The following ZFHX3 variants were observed in gnomAD, a reference collection of about 807,000 sequenced individuals.
ZFHX3 encodes the protein zinc finger homeobox 3.
Under a neutral mutation model 279.1 loss-of-function variants are expected in ZFHX3, and 42 were observed. That is an observed-to-expected ratio of 0.15 (90% CI 0.12 to 0.19). ZFHX3 has a LOEUF of 0.19. Among genes scored for constraint, ZFHX3 ranks in the 10% least tolerant of loss-of-function variants. The pLI is 1.00. For missense variants in ZFHX3, 4,981 were observed against 4,754.0 expected (o/e 1.05, Z -1.40); for synonymous variants, 2,293 against 1,957.8 (o/e 1.17, Z -4.52).
Position 72,924,151 on chromosome 16 carries a change from G to A in ZFHX3, c.3216+26318C>T, listed in dbSNP as rs139624942. On this transcript the variant is annotated intron_variant, in intron 3 of 9. Coordinates refer to ENST00000268489, the MANE Select transcript of ZFHX3 (RefSeq NM_006885.4). ...TGTCTTTCAGAGTTGGTTGCAATAG[G>A]TTAGACCTCTTTGAAGCCACATAAA... Among the ~76,000 whole-genome samples the A allele has an allele frequency of 5.3e-5, 8 of 151,768 alleles. No homozygotes were observed. In the East Asian group the frequency reaches 1.6e-3, roughly 30 times the overall value.
In ZFHX3 at chr16:73,135,462, C is replaced by T. The variant is rs114759187; in HGVS notation, c.-1023-4368G>A. 2.6e-5 allele frequency among the ~76,000 whole-genome samples: 4 copies of T among 152,230 alleles called. No individual in the cohort carries two copies. In the East Asian group the frequency reaches 7.7e-4, roughly 29 times the overall value. On this transcript the variant is annotated intron_variant, in intron 6 of 17. Coordinates refer to the ZFHX3 transcript ENST00000641206. ...AGGCCTGATGAGACTGTCCCTTATC[C>T]AAGGACAGAGAATAAAAGAACTCTT...
intron 2 of ZFHX3, among the ~76,000 whole-genome samples, chr16:73,464,713 C>T (rs1002857206): frequency 5.9e-5 from 9 of 152,202 alleles, no homozygotes; most frequent in Non-Finnish European, 7.3e-5. Context: ...TATTATTGTG[C>T]CTCAAATGCC....
chr16:73,563,613 G>C (rs961776509), intron 2 of ZFHX3, among the ~76,000 whole-genome samples: 1 of 152,124 alleles, frequency 6.6e-6, no homozygotes, highest in Non-Finnish European at 1.5e-5. Flanking sequence ...GCCTGGCTCT[G>C]TGTTGCGTGA....
chr16:73,257,104 C>T (rs983314140), exon 5 of ZFHX3: 1 of 152,184 alleles, frequency 6.6e-6, no homozygotes, highest in Non-Finnish European at 1.5e-5. Context: ...GTCCTGTTAA[C>T]AAGCACAACG....
At chr16:73,038,855 T>C (rs1965008029) in intron 1 of ZFHX3, among the ~76,000 whole-genome samples, 1 of 151,718 alleles carries the variant, frequency 6.6e-6, no homozygotes. Flanking sequence ...TGGAGTGCAG[T>C]GGCACAATCA....
At chr16:73,272,310 G>A (rs2014168834) in intron 4 of ZFHX3, among the ~76,000 whole-genome samples, 1 of 151,942 alleles carries the variant, frequency 6.6e-6, no homozygotes, top group African/African-American at 2.4e-5. Context: ...TTCTCTCCCA[G>A]TTTTTTTCTG....
chr16:72,907,191 A>G (rs1305962171), intron 3 of ZFHX3, among the ~76,000 whole-genome samples: 2 of 152,208 alleles, frequency 1.3e-5, no homozygotes, highest in African/African-American at 4.8e-5. Flanking sequence ...TAAAACACAA[A>G]TCTTTCGATG....
Position 73,818,468 on chromosome 16 carries a change from G to A in ZFHX3, c.-1608+73183C>T, listed in dbSNP as rs191694167. On this transcript the variant is annotated intron_variant, in intron 1 of 17. Transcript: ENST00000641206. Reference sequence around the variant, plus strand: ...ATATATGAGAGGTCCTGTCATCAACGCAGCATCATTATACATGATATCAAC... The same window carrying A: ...ATATATGAGAGGTCCTGTCATCAACACAGCATCATTATACATGATATCAAC... Among the ~76,000 whole-genome samples, 252 of 152,244 alleles carry A rather than the reference G, an allele frequency of 1.7e-3. 3 individuals carry two copies. Among genetic ancestry groups the A allele is most frequent in the African/African-American group, 5.7e-3 (235 of 41,554 alleles).
At chr16:73,262,564 C>G (rs983469093) in intron 4 of ZFHX3, among the ~76,000 whole-genome samples, 7 of 148,804 alleles carry the variant, frequency 4.7e-5, no homozygotes, top group Admixed American at 3.4e-4. Flanking sequence ...GATGATGAGA[C>G]AAGGTAAAAA....
chr16:73,872,603 A>G (rs1252550159), intron 1 of ZFHX3, among the ~76,000 whole-genome samples: 1 of 151,098 alleles, frequency 6.6e-6, no homozygotes, highest in Non-Finnish European at 1.5e-5. Context: ...TGAATAGTAC[A>G]TGAATTGTCG....
intron 2 of ZFHX3, among the ~76,000 whole-genome samples, chr16:73,575,272 G>C (rs777833254): frequency 6.6e-6 from 1 of 152,170 alleles, no homozygotes; most frequent in Admixed American, 6.5e-5. Flanking sequence ...TATGGAAAGC[G>C]ACAGGTTCCC....
intron 1 of ZFHX3, among the ~76,000 whole-genome samples, chr16:73,681,199 G>A (rs1263295805): frequency 6.6e-6 from 1 of 152,106 alleles, no homozygotes; most frequent in African/African-American, 2.4e-5. Flanking sequence ...GACTATAATG[G>A]CTAAACAAAT....
At chr16:73,886,484 A>C (rs2030349873) in intron 1 of ZFHX3, among the ~76,000 whole-genome samples, 1 of 152,214 alleles carries the variant, frequency 6.6e-6, no homozygotes, top group Admixed American at 6.5e-5. Flanking sequence ...TAACAGAATG[A>C]CGCACATAAT....
intron 6 of ZFHX3, among the ~76,000 whole-genome samples, chr16:73,138,960 GGATTACTGGTGT>G (rs1414375753): frequency 1.3e-5 from 2 of 152,138 alleles, no homozygotes; most frequent in Non-Finnish European, 2.9e-5. Flanking sequence ...CAAAGGGCTG[GGATTACTGGTGT>G]GAGCCACTGT....
intron 3 of ZFHX3, among the ~76,000 whole-genome samples, chr16:72,943,825 G>C (rs2144357957): frequency 6.6e-6 from 1 of 152,214 alleles, no homozygotes; most frequent in African/African-American, 2.4e-5. Context: ...CATGTTCCTA[G>C]CTCATTATCT....
At chr16:73,022,803 C>T (rs1597102852) in intron 1 of ZFHX3, among the ~76,000 whole-genome samples, 1 of 152,092 alleles carries the variant, frequency 6.6e-6, no homozygotes, top group Non-Finnish European at 1.5e-5. Context: ...ATGTTCCTTC[C>T]ACAAGGGGCA....
chr16:73,365,759 T>C (rs2016518422), intron 3 of ZFHX3, among the ~76,000 whole-genome samples: 1 of 152,198 alleles, frequency 6.6e-6, no homozygotes, highest in Non-Finnish European at 1.5e-5. Context: ...GAAAGTCACA[T>C]TCTTCCCCTC....
chr16:73,157,302 C>T (rs1235781016), intron 5 of ZFHX3, among the ~76,000 whole-genome samples: 1 of 151,926 alleles, frequency 6.6e-6, no homozygotes, highest in African/African-American at 2.4e-5. Flanking sequence ...ATACCCTCTG[C>T]CATACTTAAA....
At chr16:73,778,564 C>T (rs988703860) in intron 1 of ZFHX3, among the ~76,000 whole-genome samples, 1 of 152,224 alleles carries the variant, frequency 6.6e-6, no homozygotes, top group Non-Finnish European at 1.5e-5. Flanking sequence ...TTTCCAAAGT[C>T]AGACTTAGGA....
Sources: gnomAD v4.1 joint callset for allele counts (sites outside exome capture counted in the v4.1 genomes callset) on GRCh38, gnomAD v4.1.1 for gene constraint, MANE v1.5 for transcripts, NCBI Gene and HGNC (gene_info 2026-07-23, HGNC 2026-07-21) for gene names.